CTNND2: variants seen among roughly 807,000 people sequenced by gnomAD.
CTNND2 encodes catenin delta-2.
Under a neutral mutation model 144.4 loss-of-function variants are expected in CTNND2, and 22 were observed. The ratio of observed to expected loss-of-function variants is 0.15; its 90% CI spans 0.11 to 0.22. The LOEUF (loss-of-function observed/expected upper bound fraction) is 0.22, where lower values mean the gene tolerates loss of function less well. Ranked by LOEUF, CTNND2 falls within the 10% of genes least tolerant of loss-of-function variation. The pLI is 1.00. For missense variants in CTNND2, 1,353 were observed against 1,618.8 expected (o/e 0.84, Z 2.82); for synonymous variants, 751 against 695.6 (o/e 1.08, Z -1.25).
chr5:11,665,601 G>T (rs899843882), intron 2 of CTNND2, among the ~76,000 whole-genome samples: 2 of 152,140 alleles, frequency 1.3e-5, no homozygotes, highest in African/African-American at 4.8e-5. Flanking sequence ...CTTCAAGCAT[G>T]GCTACTTCCC....
intron 3 of CTNND2, among the ~76,000 whole-genome samples, chr5:11,510,880 G>A (rs1211236296): frequency 2.0e-5 from 3 of 151,772 alleles, no homozygotes; most frequent in South Asian, 2.1e-4. Context: ...GCAGTGAGCC[G>A]AGATTGAGCT....
At chr5:11,357,370 C>A (rs1230501783) in intron 8 of CTNND2, among the ~76,000 whole-genome samples, 1 of 151,996 alleles carries the variant, frequency 6.6e-6, no homozygotes, top group Non-Finnish European at 1.5e-5. Flanking sequence ...TGAAATCCTG[C>A]CATTTGTGAT....
intron 2 of CTNND2, among the ~76,000 whole-genome samples, chr5:11,565,508 T>C (rs774272072): frequency 4.6e-5 from 7 of 152,272 alleles, no homozygotes; most frequent in Non-Finnish European, 8.8e-5. Context: ...CTATAGTGTT[T>C]ACTGCTTTCT....
intron 3 of CTNND2, among the ~76,000 whole-genome samples, chr5:11,545,662 CAAAAAAAAAAA>C (rs34532125): frequency 1.3e-5 from 1 of 74,272 alleles, no homozygotes; most frequent in African/African-American, 5.3e-5. Flanking sequence ...GACTGTGTCT[CAAAAAAAAAAA>C]AAAAAAAAAA....
chr5:11,544,878 G>A (rs1775077781), intron 3 of CTNND2, among the ~76,000 whole-genome samples: 2 of 152,030 alleles, frequency 1.3e-5, no homozygotes, highest in Non-Finnish European at 2.9e-5. Flanking sequence ...CAGCACTTTG[G>A]GAGGCGGAGG....
intron 9 of CTNND2, among the ~76,000 whole-genome samples, chr5:11,290,204 C>G (rs1748182918): frequency 6.6e-6 from 1 of 152,128 alleles, no homozygotes; most frequent in Non-Finnish European, 1.5e-5. Flanking sequence ...TAGCAAAGAC[C>G]CACTCTCTTG....
At chr5:11,267,440 G>C (rs1745557529) in intron 9 of CTNND2, among the ~76,000 whole-genome samples, 1 of 152,176 alleles carries the variant, frequency 6.6e-6, no homozygotes, top group African/African-American at 2.4e-5. Context: ...TTGAGTGCCT[G>C]CAATCCAGCC....
intron 6 of CTNND2, among the ~76,000 whole-genome samples, chr5:11,392,089 G>C (rs1322766598): frequency 1.3e-5 from 2 of 152,238 alleles, no homozygotes; most frequent in East Asian, 1.9e-4. Flanking sequence ...AAGTGAGAGA[G>C]AGAAATTTTG....
chr5:11,266,607 G>A lies in CTNND2; in HGVS notation c.1629-29784C>T, dbSNP rs538671118. ...AGAGCGGCATCTCTAAAACATTGTGGAACTGATTACATCTCTTCCTCCCCT... is the reference window on the plus strand; with the variant it reads ...AGAGCGGCATCTCTAAAACATTGTGAAACTGATTACATCTCTTCCTCCCCT... On this transcript the variant is annotated intron_variant, in intron 9 of 21. Coordinates refer to ENST00000304623, the MANE Select transcript of CTNND2 (RefSeq NM_001332.4). Among the ~76,000 whole-genome samples the A allele has an allele frequency of 2.1e-4, 32 of 152,288 alleles. No homozygotes were observed. The South Asian group carries it at 6.6e-3, about 32-fold the overall frequency.
At chr5:11,571,726 C>T (rs1028262056) in intron 2 of CTNND2, among the ~76,000 whole-genome samples, 1 of 152,080 alleles carries the variant, frequency 6.6e-6, no homozygotes, top group African/African-American at 2.4e-5. Context: ...TTAACTCACC[C>T]CCCTGCTTAG....
chr5:11,077,299 A>C (rs2149624286), intron 16 of CTNND2, among the ~76,000 whole-genome samples: 1 of 152,302 alleles, frequency 6.6e-6, no homozygotes, highest in South Asian at 2.1e-4. Context: ...ATTAGAAGGT[A>C]ATTGGGGCTG....
At chr5:11,542,687 A>C (rs1393075729) in intron 3 of CTNND2, among the ~76,000 whole-genome samples, 1 of 152,232 alleles carries the variant, frequency 6.6e-6, no homozygotes, top group East Asian at 1.9e-4. Flanking sequence ...TACACTCTTA[A>C]TTCAGACAAT....
chr5:11,889,651 A>C (rs1338663333), intron 1 of CTNND2, among the ~76,000 whole-genome samples: 1 of 152,254 alleles, frequency 6.6e-6, no homozygotes, highest in African/African-American at 2.4e-5. Flanking sequence ...TAAAGTTTAT[A>C]AAAGCAATAC....
intron 1 of CTNND2, among the ~76,000 whole-genome samples, chr5:11,894,857 A>G (rs970595700): frequency 2.0e-5 from 3 of 152,216 alleles, no homozygotes; most frequent in African/African-American, 7.2e-5. Context: ...AAGCAAGCAA[A>G]GAAACCTTGG....
At chr5:11,140,809 T>G (rs1219105589) in intron 12 of CTNND2, among the ~76,000 whole-genome samples, 4 of 152,224 alleles carry the variant, frequency 2.6e-5, no homozygotes, top group Non-Finnish European at 5.9e-5. Flanking sequence ...AGTTGTTATA[T>G]TCTAGATTTA....
intron 5 of CTNND2, 51 bp downstream of exon 5, chr5:11,411,485 T>C: frequency 2.3e-6 from 2 of 887,662 alleles, no homozygotes; most frequent in South Asian, 2.8e-5. Flanking sequence ...AATAATGACA[T>C]AATACTCCTA....
rs780794168 is a variant in CTNND2, at chr5:11,411,650, C to T, written c.325G>A (p.Gly109Ser). 1 of 1,579,824 alleles carries T rather than the reference C, an allele frequency of 6.3e-7. No homozygotes were observed. The highest frequency in any genetic ancestry group is 1.7e-5 in the Admixed American group (1 of 58,594). ...AGCTCATCTTCGATATCTTTTTGAC[C>T]ATCTGAAATGAAATATTTTAAAGTG... ...EEQFQWQSQD[G>S]QKDIEDELTT... The change falls in exon 5 of 22, where the codon GGT (glycine) becomes AGT (serine). Residue 109 changes from glycine to serine, a missense_variant and splice_region_variant. By Grantham distance (56) the Gly-to-Ser change is moderately conservative (BLOSUM62 0). Transcript: ENST00000304623.
At chr5:11,549,333 T>C (rs1269583255) in intron 3 of CTNND2, among the ~76,000 whole-genome samples, 1 of 152,200 alleles carries the variant, frequency 6.6e-6, no homozygotes, top group Non-Finnish European at 1.5e-5. Flanking sequence ...ACAATTCATG[T>C]GTTGAATGAA....
At chr5:11,214,470 T>C (rs563205716) in intron 10 of CTNND2, among the ~76,000 whole-genome samples, 33 of 152,326 alleles carry the variant, frequency 2.2e-4, no homozygotes, top group Non-Finnish European at 3.7e-4. Context: ...CAGATTTCAA[T>C]AGACCGGTAG....
Sources: gnomAD v4.1 joint callset for allele counts (sites outside exome capture counted in the v4.1 genomes callset) on GRCh38, gnomAD v4.1.1 for gene constraint, MANE v1.5 for transcripts, NCBI Gene and HGNC (gene_info 2026-07-23, HGNC 2026-07-21) for gene names.